Variants in MAST4 observed in about 807,000 individuals in gnomAD.
MAST4 encodes the protein microtubule-associated serine/threonine-protein kinase 4.
Under a neutral mutation model 162.7 loss-of-function variants are expected in MAST4, and 89 were observed. That is an observed-to-expected ratio of 0.55 (90% CI 0.46 to 0.65). The LOEUF (loss-of-function observed/expected upper bound fraction) is 0.65, where lower values mean the gene tolerates loss of function less well. Among genes scored for constraint, MAST4 ranks in the 30% least tolerant of loss-of-function variants. MAST4 has a pLI of 0.00. For synonymous variants in MAST4, 1,479 were observed against 1,361.1 expected (o/e 1.09, Z -1.91); for missense variants, 3,153 against 3,374.0 (o/e 0.93, Z 1.62).
At chr5:67,016,679 T>C (rs1275965879) in intron 4 of MAST4, among the ~76,000 whole-genome samples, 1 of 152,248 alleles carries the variant, frequency 6.6e-6, no homozygotes, top group Non-Finnish European at 1.5e-5. Flanking sequence ...TTTGTGCTTT[T>C]AAATTGAAGC....
At chr5:66,685,220 A>C in intron 1 of MAST4, among the ~76,000 whole-genome samples, 1 of 152,034 alleles carries the variant, frequency 6.6e-6, no homozygotes, top group Non-Finnish European at 1.5e-5. Context: ...CTGAGATCAC[A>C]CCACTGCACT....
intron 23 of MAST4, among the ~76,000 whole-genome samples, chr5:67,147,133 C>T (rs959069549): frequency 6.6e-6 from 1 of 152,024 alleles, no homozygotes; most frequent in South Asian, 2.1e-4. Flanking sequence ...TCCTGCCATG[C>T]ATTTTGATTA....
At chr5:66,827,279 A>T (rs1757310100) in intron 3 of MAST4, among the ~76,000 whole-genome samples, 1 of 152,212 alleles carries the variant, frequency 6.6e-6, no homozygotes, top group Non-Finnish European at 1.5e-5. Flanking sequence ...TTACTCCTCC[A>T]CATATAAGCG....
rs760666693 is a variant in MAST4, at chr5:67,165,749, C to G, written c.6570C>G (p.Ser2190Arg). Residue 2190 changes from serine (S) to arginine (R), a missense_variant, in exon 29 of 29, where the codon AGC becomes AGG. By Grantham distance (110) the Ser-to-Arg change is moderately radical (BLOSUM62 -1). Coordinates refer to ENST00000403625, the MANE Select transcript of MAST4 (RefSeq NM_001164664.2). ...PKPVAAHSES[S>R]SHKPRPGPDP... Reference sequence around the variant, plus strand: ...CTGTTGCTGCGCACAGTGAAAGCAGCAGCCACAAGCCCCGGCCTGGCCCTG... The same window carrying G: ...CTGTTGCTGCGCACAGTGAAAGCAGGAGCCACAAGCCCCGGCCTGGCCCTG... The G allele has an allele frequency of 1.0e-5, 16 of 1,585,186 alleles. No individual in the cohort carries two copies. The highest frequency in any genetic ancestry group is 1.4e-5 in the Non-Finnish European group (16 of 1,166,536).
Position 67,101,001 on chromosome 5 carries a change from C to T in MAST4, c.1070+409C>T, listed in dbSNP as rs148370173. 5.3e-3 allele frequency among the ~76,000 whole-genome samples: 807 copies of T among 152,294 alleles called. 4 individuals are homozygous for T. The highest frequency in any genetic ancestry group is 0.01 in the Middle Eastern group (3 of 294). Reference sequence around the variant, plus strand: ...TTACAAAATATCTTTGTTCTTTCTTCCCATCGTAAGTCTTACTTTTCTCTA... The same window carrying T: ...TTACAAAATATCTTTGTTCTTTCTTTCCATCGTAAGTCTTACTTTTCTCTA... On this transcript the variant is annotated intron_variant, in intron 8 of 28. Coordinates refer to ENST00000403625, the MANE Select transcript of MAST4 (RefSeq NM_001164664.2).
chr5:67,131,883 T>C lies in MAST4; in HGVS notation c.2025T>C (p.Ala675=). ...LPVDMARMYF[A]ETVLALEYLH... is the part of the protein sequence containing the mutation. ...TTGATATGGCCAGAATGTACTTTGC[T>C]GAGACGGTCTTGGCCTTGGAATATT... Residue 675 remains alanine (A), a synonymous_variant, in exon 16 of 29, where the codon GCT becomes GCC. Transcript: ENST00000403625. 6.2e-7 allele frequency: 1 copy of C among 1,613,368 alleles called. No individual in the cohort carries two copies. The highest frequency in any genetic ancestry group is 8.5e-7 in the Non-Finnish European group (1 of 1,179,416).
At chr5:67,076,705 ATC>A (rs1237245713) in intron 5 of MAST4, among the ~76,000 whole-genome samples, 1 of 152,134 alleles carries the variant, frequency 6.6e-6, no homozygotes. Flanking sequence ...CCTCCATCAA[ATC>A]TCTCTCAGAC....
intron 1 of MAST4, among the ~76,000 whole-genome samples, chr5:66,752,179 G>A (rs1262299557): frequency 6.6e-6 from 1 of 152,130 alleles, no homozygotes; most frequent in Non-Finnish European, 1.5e-5. Flanking sequence ...GGTACCAGCT[G>A]CTGCAAAATC....
At chr5:66,756,296 G>A (rs1443226431) in intron 1 of MAST4, among the ~76,000 whole-genome samples, 2 of 152,196 alleles carry the variant, frequency 1.3e-5, no homozygotes, top group African/African-American at 4.8e-5. Flanking sequence ...GGTGCATGAG[G>A]TAAGGACATA....
chr5:67,165,320 C>T lies in MAST4; in HGVS notation c.6141C>T (p.Gly2047=), dbSNP rs1266522855. The T allele has an allele frequency of 2.5e-6, 4 of 1,613,592 alleles. No individual in the cohort carries two copies. Among genetic ancestry groups the T allele is most frequent in the South Asian group, 1.1e-5 (1 of 91,078 alleles). ...GTGGGAAAACGAACCACAAAGATGG[C>T]CCAGGTGAGGCGAGGCCCCCGCCCA... ...APGGKTNHKD[G]PGEARPPPRD... Residue 2047 remains glycine, a synonymous_variant, in exon 29 of 29, where the codon GGC becomes GGT. Transcript: ENST00000403625.
intron 4 of MAST4, among the ~76,000 whole-genome samples, chr5:67,044,099 A>T (rs1019853316): frequency 4.6e-5 from 7 of 152,240 alleles, no homozygotes; most frequent in African/African-American, 1.7e-4. Context: ...TTTAGGTAGC[A>T]TCAGCCCTTG....
intron 5 of MAST4, among the ~76,000 whole-genome samples, chr5:67,065,196 A>G (rs921745674): frequency 5.9e-5 from 9 of 152,100 alleles, no homozygotes; most frequent in African/African-American, 2.2e-4. Flanking sequence ...CTAAGATATG[A>G]TCAGTGACCA....
chr5:66,615,937 T>C (rs372292938), intron 1 of MAST4, among the ~76,000 whole-genome samples: 1 of 152,224 alleles, frequency 6.6e-6, no homozygotes, highest in Non-Finnish European at 1.5e-5. Context: ...ATTTGGGCAT[T>C]ATGCAAAGGA....
chr5:67,148,460 C>T (rs557561039), intron 23 of MAST4, among the ~76,000 whole-genome samples: 5 of 152,202 alleles, frequency 3.3e-5, no homozygotes, highest in Admixed American at 1.3e-4. Context: ...TCTTTACTCT[C>T]GGCCTCTGCA....
chr5:66,624,608 C>T (rs1308693165), intron 1 of MAST4, among the ~76,000 whole-genome samples: 1 of 152,126 alleles, frequency 6.6e-6, no homozygotes, highest in Non-Finnish European at 1.5e-5. Context: ...GCAAGAAGAA[C>T]AAAGCTGGAG....
intron 2 of MAST4, among the ~76,000 whole-genome samples, chr5:66,772,761 A>C (rs1373427117): frequency 1.3e-5 from 2 of 152,334 alleles, no homozygotes; most frequent in East Asian, 3.9e-4. Flanking sequence ...TCAACTTCTA[A>C]GTAGCCTTCA....
In MAST4 at chr5:66,959,019, T is replaced by A. The variant is rs1053290136; in HGVS notation, c.674+59037T>A. The A allele has an allele frequency of 2.7e-5, 13 of 483,892 alleles. No individual in the cohort carries two copies. In the Admixed American group the frequency reaches 4.1e-4, roughly 15 times the overall value. The allele number at this position is 483,892 out of a possible 1,614,324, so 30.0% of individuals were successfully genotyped here. A position where few individuals can be genotyped will look rare whatever the true frequency, so the allele number is the denominator to read the frequency against. ...TATGCAGAGCTGCAAGCCTCGTTCC[T>A]TTAACAAAATCAGTGCAGTGTGCAC... On this transcript the variant is annotated intron_variant, in intron 4 of 28. Transcript: ENST00000403625.
At chr5:66,771,704 C>T (rs1438932267) in intron 2 of MAST4, among the ~76,000 whole-genome samples, 2 of 151,212 alleles carry the variant, frequency 1.3e-5, no homozygotes, top group Non-Finnish European at 2.9e-5. Context: ...TATTAAAAAT[C>T]TAAGTTGCTT....
intron 6 of MAST4, chr5:67,094,246 A>G (rs1410368985): frequency 1.7e-5 from 15 of 899,156 alleles, no homozygotes; most frequent in Non-Finnish European, 2.2e-5. Context: ...TTTGTGGACC[A>G]TTTGCATTTA....
Sources: allele counts gnomAD v4.1 joint callset (sites outside exome capture counted in the v4.1 genomes callset), GRCh38; gene constraint gnomAD v4.1.1; transcripts MANE v1.5; gene names NCBI Gene and HGNC (gene_info 2026-07-23, HGNC 2026-07-21).